Variants in UNC5D observed in about 807,000 individuals in gnomAD.
UNC5D encodes netrin receptor UNC5D.
Under a neutral mutation model 105.4 loss-of-function variants are expected in UNC5D, and 39 were observed. The ratio of observed to expected loss-of-function variants is 0.37; its 90% confidence interval spans 0.29 to 0.48. The LOEUF (loss-of-function observed/expected upper bound fraction) is 0.48, where lower values mean the gene tolerates loss of function less well. UNC5D is among the 20% of genes least tolerant of loss of function. The pLI, the probability that UNC5D is intolerant of heterozygous loss-of-function variation, is 0.98. For missense variants in UNC5D, 991 were observed against 1,202.4 expected, an observed-to-expected ratio of 0.82 and a Z score of 2.60; for synonymous variants, 452 against 450.4, an observed-to-expected ratio of 1.00 and a Z score of -0.04.
chr8:35,639,992 TG>T (rs750432884), intron 4 of UNC5D, among the ~76,000 whole-genome samples: 3 of 152,070 alleles, frequency 2.0e-5, no homozygotes, highest in Non-Finnish European at 4.4e-5. Context: ...CCCAAAGTAT[TG>T]GGATTACAGC....
intron 1 of UNC5D, among the ~76,000 whole-genome samples, chr8:35,253,473 CTTTTTTTTTTT>C (rs58063448): frequency 1.0e-5 from 1 of 99,824 alleles, no homozygotes; most frequent in African/African-American, 3.8e-5. Flanking sequence ...ATTTTATTTC[CTTTTTTTTTTT>C]TTTTTTTTTT....
chr8:35,283,576 ATGGTGAAAACCC>A (rs1241848478), intron 1 of UNC5D, among the ~76,000 whole-genome samples: 2 of 152,044 alleles, frequency 1.3e-5, no homozygotes, highest in Non-Finnish European at 2.9e-5. Context: ...CTTGGCCAAC[ATGGTGAAAACCC>A]TGTGTCTACT....
chr8:35,327,428 G>A (rs776283711), intron 1 of UNC5D, among the ~76,000 whole-genome samples: 9 of 152,052 alleles, frequency 5.9e-5, no homozygotes, highest in Non-Finnish European at 8.8e-5. Flanking sequence ...AATTTACTTC[G>A]ACATTTCAAG....
At chr8:35,374,472 T>A (rs1415762613) in intron 1 of UNC5D, among the ~76,000 whole-genome samples, 1 of 152,196 alleles carries the variant, frequency 6.6e-6, no homozygotes, top group East Asian at 1.9e-4. Context: ...TGTGCAAAGC[T>A]TTTGTTTATG....
intron 10 of UNC5D, among the ~76,000 whole-genome samples, chr8:35,729,330 GTCT>G (rs899607386): frequency 5.3e-5 from 8 of 152,092 alleles, no homozygotes; most frequent in Non-Finnish European, 1.0e-4. Flanking sequence ...CTCGGACCCT[GTCT>G]TTTTTACTAA....
intron 1 of UNC5D, among the ~76,000 whole-genome samples, chr8:35,421,191 A>C (rs1585803018): frequency 6.6e-6 from 1 of 152,168 alleles, no homozygotes; most frequent in South Asian, 2.1e-4. Context: ...TCAAGAACAC[A>C]GTAGGAGTAA....
intron 1 of UNC5D, among the ~76,000 whole-genome samples, chr8:35,340,521 T>C (rs1250307545): frequency 6.6e-6 from 1 of 152,148 alleles, no homozygotes; most frequent in Non-Finnish European, 1.5e-5. Flanking sequence ...TTGGAGAAAG[T>C]ATCTCTGGTT....
At chr8:35,583,401 G>GTA (rs904343922) in intron 3 of UNC5D, among the ~76,000 whole-genome samples, 1 of 152,040 alleles carries the variant, frequency 6.6e-6, no homozygotes, top group Non-Finnish European at 1.5e-5. Context: ...GTGTGTATAT[G>GTA]TATATATATG....
chr8:35,259,695 A>G (rs1804315940), intron 1 of UNC5D, among the ~76,000 whole-genome samples: 1 of 151,970 alleles, frequency 6.6e-6, no homozygotes, highest in African/African-American at 2.4e-5. Flanking sequence ...TCATATTTTC[A>G]AAGGGCAGAA....
intron 1 of UNC5D, among the ~76,000 whole-genome samples, chr8:35,480,392 G>T (rs976760095): frequency 6.6e-6 from 1 of 152,188 alleles, no homozygotes; most frequent in Admixed American, 6.5e-5. Context: ...TGTAAGAGTT[G>T]TCAGTGAGAC....
chr8:35,398,481 T>A (rs565932692), intron 1 of UNC5D, among the ~76,000 whole-genome samples: 1 of 152,134 alleles, frequency 6.6e-6, no homozygotes, highest in South Asian at 2.1e-4. Flanking sequence ...ACTTTATAAA[T>A]AGCCCCTTAA....
intron 11 of UNC5D, among the ~76,000 whole-genome samples, chr8:35,731,497 G>A (rs540646003): frequency 4.6e-5 from 7 of 151,332 alleles, no homozygotes; most frequent in African/African-American, 1.7e-4. Context: ...GAGACTTAGA[G>A]GTGTATAGAT....
At chr8:35,691,429 G>A (rs1049377626) in intron 7 of UNC5D, among the ~76,000 whole-genome samples, 2 of 152,198 alleles carry the variant, frequency 1.3e-5, no homozygotes, top group African/African-American at 4.8e-5. Context: ...CGAGGCTGCA[G>A]TGAGCTATGA....
At chr8:35,317,961 T>C (rs1265249900) in intron 1 of UNC5D, among the ~76,000 whole-genome samples, 3 of 151,750 alleles carry the variant, frequency 2.0e-5, no homozygotes, top group African/African-American at 7.3e-5. Flanking sequence ...ATCTTTTCTT[T>C]AGTTCTGACT....
At chr8:35,747,315 A>G (rs1336757822) in intron 11 of UNC5D, among the ~76,000 whole-genome samples, 1 of 152,210 alleles carries the variant, frequency 6.6e-6, no homozygotes, top group Non-Finnish European at 1.5e-5. Context: ...TGTCAACATA[A>G]GCAATTCAGA....
intron 10 of UNC5D, chr8:35,726,787 A>T: frequency 1.9e-6 from 1 of 524,104 alleles, no homozygotes; most frequent in Non-Finnish European, 3.3e-6. Context: ...TTTGCCTGAA[A>T]GGTTTGGGTA....
chr8:35,665,566 T>C (rs181068033), intron 4 of UNC5D, among the ~76,000 whole-genome samples: 1 of 152,106 alleles, frequency 6.6e-6, no homozygotes, highest in East Asian at 1.9e-4. Flanking sequence ...CATTTCATTC[T>C]CCAGTTTCAT....
At chr8:35,520,340 G>T in intron 1 of UNC5D, among the ~76,000 whole-genome samples, 1 of 152,110 alleles carries the variant, frequency 6.6e-6, no homozygotes, top group East Asian at 1.9e-4. Flanking sequence ...CCATTTATAT[G>T]AAATACCCAA....
At chr8:35,350,717 G>T (rs1475119520) in intron 1 of UNC5D, among the ~76,000 whole-genome samples, 1 of 151,896 alleles carries the variant, frequency 6.6e-6, no homozygotes, top group Non-Finnish European at 1.5e-5. Context: ...CTCAATGGAA[G>T]TGATGTTTAT....
Sources: gnomAD v4.1 joint callset for allele counts (sites outside exome capture counted in the v4.1 genomes callset) on GRCh38, gnomAD v4.1.1 for gene constraint, MANE v1.5 for transcripts, NCBI Gene and HGNC (gene_info 2026-07-23, HGNC 2026-07-21) for gene names.